The following LNX1 variants were observed in gnomAD, a reference collection of about 807,000 sequenced individuals.
LNX1 encodes E3 ubiquitin-protein ligase LNX.
LNX1 carries 54 observed loss-of-function variants against 68.4 expected under a neutral mutation model. That is an observed-to-expected ratio of 0.79 (90% CI 0.63 to 0.99). The LOEUF is 0.99. Ranked by LOEUF, LNX1 falls within the 50% of genes least tolerant of loss-of-function variation. The pLI, the probability that LNX1 is intolerant of heterozygous loss-of-function variation, is 0.00. For missense variants in LNX1, 906 were observed against 926.4 expected (o/e 0.98, Z 0.29); for synonymous variants, 336 against 350.0 (o/e 0.96, Z 0.45).
chr4:53,622,585 T>C (rs1733925401), intron 1 of LNX1, among the ~76,000 whole-genome samples: 1 of 152,190 alleles, frequency 6.6e-6, no homozygotes, highest in Non-Finnish European at 1.5e-5. Flanking sequence ...AGGAAGTTTT[T>C]CCAAATTGGT....
At chr4:53,499,196 G>A (rs1174864096) in intron 4 of LNX1, among the ~76,000 whole-genome samples, 1 of 151,982 alleles carries the variant, frequency 6.6e-6, no homozygotes, top group African/African-American at 2.4e-5. Flanking sequence ...TTGAGACAGG[G>A]TCTTACTCTG....
At chr4:53,602,046 A>C (rs1342875105) in intron 2 of LNX1, among the ~76,000 whole-genome samples, 1 of 152,186 alleles carries the variant, frequency 6.6e-6, no homozygotes, top group Non-Finnish European at 1.5e-5. Flanking sequence ...TAAAACATCA[A>C]AAATGGCTTC....
In LNX1 at chr4:53,555,985, G is replaced by T. The variant is rs190510184; in HGVS notation, c.380+17638C>A. ...CTCAATAGCAGGAATCTTTGTGTAG[G>T]AATAGCAGGAATCTGTAGTCAGTGG... On this transcript the variant is annotated intron_variant, in intron 2 of 10. Transcript: ENST00000263925. 4.9e-4 allele frequency among the ~76,000 whole-genome samples: 74 copies of T among 152,254 alleles called. No homozygotes were observed. The East Asian group carries it at 0.012, about 25-fold the overall frequency.
chr4:53,527,553 T>C (rs540858893), intron 2 of LNX1, among the ~76,000 whole-genome samples: 1 of 152,358 alleles, frequency 6.6e-6, no homozygotes, highest in African/African-American at 2.4e-5. Flanking sequence ...GAGGGCAGGC[T>C]CCAGCCTCCT....
chr4:53,637,051 C>T (rs997363778), intron 1 of LNX1, among the ~76,000 whole-genome samples: 5 of 151,712 alleles, frequency 3.3e-5, no homozygotes, highest in African/African-American at 1.2e-4. Context: ...ATTACCGCCT[C>T]AATTGTTTCA....
At chr4:53,542,172 A>C (rs1461370944) in intron 2 of LNX1, among the ~76,000 whole-genome samples, 1 of 152,226 alleles carries the variant, frequency 6.6e-6, no homozygotes, top group Non-Finnish European at 1.5e-5. Context: ...TGAGATATGC[A>C]ATTGTCAGCT....
intron 2 of LNX1, among the ~76,000 whole-genome samples, chr4:53,553,795 T>G (rs1729689688): frequency 6.6e-6 from 1 of 152,178 alleles, no homozygotes. Flanking sequence ...GTTTTAGGGT[T>G]ATTCTGTCGG....
chr4:53,568,958 A>T (rs1426285296), intron 2 of LNX1, among the ~76,000 whole-genome samples: 2 of 151,900 alleles, frequency 1.3e-5, no homozygotes, highest in African/African-American at 4.8e-5. Flanking sequence ...CTTACAAGGG[A>T]TGTGAAGGAC....
chr4:53,576,215 T>C, intron 1 of LNX1: 1 of 1,600,120 alleles, frequency 6.2e-7, no homozygotes, highest in Non-Finnish European at 8.5e-7. Flanking sequence ...ACCAGTGCCC[T>C]GGCTCGCTTC....
intron 1 of LNX1, among the ~76,000 whole-genome samples, chr4:53,647,577 G>T (rs34238618): frequency 2.4e-4 from 36 of 152,122 alleles, no homozygotes; most frequent in Non-Finnish European, 4.6e-4. Flanking sequence ...AGAAAAAAAA[G>T]CCAGGATTCA....
At chr4:53,497,627 A>T (rs960737757) in intron 5 of LNX1, among the ~76,000 whole-genome samples, 8 of 152,204 alleles carry the variant, frequency 5.3e-5, no homozygotes, top group Non-Finnish European at 1.0e-4. Context: ...TGTAAGCTCC[A>T]GTTGAAGGCC....
At chr4:53,593,518 G>C (rs372539229), upstream of LNX1, among the ~76,000 whole-genome samples, 9 of 152,244 alleles carry the variant, frequency 5.9e-5, no homozygotes, top group African/African-American at 1.9e-4. Flanking sequence ...AAAGAAAATA[G>C]AGAAATAAGA....
chr4:53,639,584 G>A (rs779974005), intron 1 of LNX1, among the ~76,000 whole-genome samples: 2 of 152,114 alleles, frequency 1.3e-5, no homozygotes, highest in Non-Finnish European at 2.9e-5. Context: ...GCAAACAAAG[G>A]CTCACAGGAA....
At chr4:53,537,973 C>T (rs1728493813) in intron 2 of LNX1, among the ~76,000 whole-genome samples, 1 of 152,202 alleles carries the variant, frequency 6.6e-6, no homozygotes, top group African/African-American at 2.4e-5. Flanking sequence ...AGAGCCTTGG[C>T]TACTGTCAAT....
chr4:53,558,040 T>C, intron 2 of LNX1: 1 of 1,592,240 alleles, frequency 6.3e-7, no homozygotes, highest in Admixed American at 1.8e-5. Context: ...CAAGCTCCTT[T>C]AAGCAAACCT....
At chr4:53,482,969 C>T (rs1724044980) in intron 6 of LNX1, among the ~76,000 whole-genome samples, 2 of 152,222 alleles carry the variant, frequency 1.3e-5, no homozygotes. Context: ...TTTGGACAGG[C>T]ATTCAGAATA....
chr4:53,614,982 C>T (rs949478263), intron 2 of LNX1, among the ~76,000 whole-genome samples: 1 of 151,796 alleles, frequency 6.6e-6, no homozygotes, highest in Admixed American at 6.6e-5. Flanking sequence ...ATTTGTTCAT[C>T]TTTGAACACC....
intron 1 of LNX1, among the ~76,000 whole-genome samples, chr4:53,590,085 T>C (rs79056134): frequency 0.15 from 22,445 of 151,804 alleles, 1,716 homozygotes; most frequent in African/African-American, 0.18. Context: ...ACCCCCCCCC[T>C]TAAACTCACA....
intron 2 of LNX1, among the ~76,000 whole-genome samples, chr4:53,514,497 T>TGTG: frequency 6.6e-6 from 1 of 152,114 alleles, no homozygotes; most frequent in East Asian, 1.9e-4. Context: ...AGGGCTTGTG[T>TGTG]GGGGAACTCT....
Sources: allele counts gnomAD v4.1 joint callset (sites outside exome capture counted in the v4.1 genomes callset), GRCh38; gene constraint gnomAD v4.1.1; transcripts MANE v1.5; gene names NCBI Gene and HGNC (gene_info 2026-07-23, HGNC 2026-07-21).